ABTB3: variants seen among roughly 807,000 people sequenced by gnomAD.
ABTB3 encodes the protein ankyrin repeat and BTB domain containing 3, also known as ankyrin repeat- and BTB/POZ domain-containing protein 3.
At chr12:107,610,228 C>A in the ABTB3 span, 1 of 1,614,026 alleles carries the variant, frequency 6.2e-7, no homozygotes, top group Non-Finnish European at 8.5e-7. Context: ...AAGCTGGATG[C>A]GGTGGCCATC....
the ABTB3 span, among the ~76,000 whole-genome samples, chr12:107,320,235 C>T: frequency 1.1e-4 from 16 of 152,188 alleles, no homozygotes; most frequent in African/African-American, 3.9e-4. Context: ...AAGAGGTTGC[C>T]TGTTTGCTCC....
chr12:107,503,342 A>G, the ABTB3 span, among the ~76,000 whole-genome samples: 1 of 152,108 alleles, frequency 6.6e-6, no homozygotes, highest in Non-Finnish European at 1.5e-5. Context: ...TTACATTTGA[A>G]AAGTGTGCTT....
At chr12:107,343,103 C>A in the ABTB3 span, among the ~76,000 whole-genome samples, 1 of 152,134 alleles carries the variant, frequency 6.6e-6, no homozygotes, top group Non-Finnish European at 1.5e-5. Flanking sequence ...CAGCCTCGAC[C>A]CCCCAGGCCT....
the ABTB3 span, among the ~76,000 whole-genome samples, chr12:107,493,479 C>T: frequency 6.6e-6 from 1 of 152,194 alleles, no homozygotes; most frequent in Non-Finnish European, 1.5e-5. Context: ...CTTCTCTCAG[C>T]CTCAGAGGCC....
the ABTB3 span, chr12:107,520,519 C>T: frequency 6.2e-7 from 1 of 1,614,220 alleles, no homozygotes; most frequent in Non-Finnish European, 8.5e-7. Context: ...CCTGAATCTT[C>T]ACAGAGACCC....
the ABTB3 span, among the ~76,000 whole-genome samples, chr12:107,379,284 C>A: frequency 6.6e-6 from 1 of 151,984 alleles, no homozygotes; most frequent in Admixed American, 6.6e-5. Flanking sequence ...TGTCTGTGTC[C>A]CCACCTAAAT....
the ABTB3 span, among the ~76,000 whole-genome samples, chr12:107,480,836 C>T: frequency 6.6e-6 from 1 of 152,110 alleles, no homozygotes; most frequent in Non-Finnish European, 1.5e-5. Context: ...GGGTCACACC[C>T]AAAGGTGAAG....
chr12:107,554,912 A>T, the ABTB3 span, among the ~76,000 whole-genome samples: 1 of 152,190 alleles, frequency 6.6e-6, no homozygotes, highest in South Asian at 2.1e-4. Context: ...TCCCTGGTAG[A>T]GCTTAGCCTG....
At chr12:107,482,913 CTTCTTTCT>C in the ABTB3 span, among the ~76,000 whole-genome samples, 301 of 118,022 alleles carry the variant, frequency 2.6e-3, 1 homozygote, top group Middle Eastern at 3.9e-3. Context: ...TCTCTTTCTT[CTTCTTTCT>C]TTCTTTCTTT....
the ABTB3 span, among the ~76,000 whole-genome samples, chr12:107,511,949 T>C: frequency 2.6e-5 from 4 of 152,176 alleles, no homozygotes; most frequent in African/African-American, 9.7e-5. Flanking sequence ...TTTTAAACTC[T>C]GGTCAGCCTA....
chr12:107,385,015 C>T, the ABTB3 span, among the ~76,000 whole-genome samples: 40 of 152,330 alleles, frequency 2.6e-4, no homozygotes, highest in African/African-American at 9.1e-4. Flanking sequence ...CACTTCTGCC[C>T]GTCCTCATAC....
At chr12:107,493,858 G>GGCAGAGAAGCCTGGA in the ABTB3 span, among the ~76,000 whole-genome samples, 1 of 152,282 alleles carries the variant, frequency 6.6e-6, no homozygotes, top group Admixed American at 6.5e-5. Context: ...CCTAGGAGCT[G>GGCAGAGAAGCCTGGA]GCAGAGAAGC....
chr12:107,643,172 G>T, the ABTB3 span, among the ~76,000 whole-genome samples: 1 of 152,066 alleles, frequency 6.6e-6, no homozygotes, highest in Non-Finnish European at 1.5e-5. Flanking sequence ...AATGTGGGCT[G>T]AGGTGGGAGG....
the ABTB3 span, among the ~76,000 whole-genome samples, chr12:107,381,397 A>T: frequency 6.6e-6 from 1 of 152,364 alleles, no homozygotes; most frequent in African/African-American, 2.4e-5. Flanking sequence ...TAATCTGGGG[A>T]TGCCAAGTGG....
the ABTB3 span, among the ~76,000 whole-genome samples, chr12:107,514,428 G>A: frequency 6.6e-6 from 1 of 152,284 alleles, no homozygotes; most frequent in Admixed American, 6.5e-5. Flanking sequence ...TGTGGATCCT[G>A]GCTTATGTTC....
At chr12:107,470,008 CTT>C in the ABTB3 span, among the ~76,000 whole-genome samples, 1,033 of 96,024 alleles carry the variant, frequency 0.011, 11 homozygotes, top group South Asian at 0.013. Flanking sequence ...TTCTTTCTTT[CTT>C]TCTCTCTCTC....
chr12:107,517,196 C>A, the ABTB3 span, among the ~76,000 whole-genome samples: 1 of 152,108 alleles, frequency 6.6e-6, no homozygotes, highest in Non-Finnish European at 1.5e-5. Context: ...GGTATTATTT[C>A]TGAGGGCTCT....
the ABTB3 span, among the ~76,000 whole-genome samples, chr12:107,394,926 G>C: frequency 1.3e-5 from 2 of 152,324 alleles, no homozygotes; most frequent in Non-Finnish European, 1.5e-5. Context: ...GCACTGTACA[G>C]ACGTCTTGGG....
At chr12:107,433,921 A>G in the ABTB3 span, among the ~76,000 whole-genome samples, 1 of 152,162 alleles carries the variant, frequency 6.6e-6, no homozygotes, top group East Asian at 1.9e-4. Context: ...CAGCCTGCCA[A>G]CTTCTTGTCC....
Sources: allele counts gnomAD v4.1 joint callset (sites outside exome capture counted in the v4.1 genomes callset), GRCh38; gene constraint gnomAD v4.1.1; transcripts MANE v1.5; gene names NCBI Gene and HGNC (gene_info 2026-07-23, HGNC 2026-07-21).